TRPM3: variants seen among roughly 807,000 people sequenced by gnomAD.
TRPM3 encodes long transient receptor potential channel 3.
In TRPM3, 77 loss-of-function variants were observed where a neutral mutation model predicts 181.2. That is an observed-to-expected ratio of 0.42 (90% CI 0.35 to 0.51). The LOEUF (loss-of-function observed/expected upper bound fraction) is 0.51, where lower values mean the gene tolerates loss of function less well. Ranked by LOEUF, TRPM3 falls within the 20% of genes least tolerant of loss-of-function variation. The pLI is 0.01. For missense variants in TRPM3, 1,759 were observed against 2,196.7 expected (o/e 0.80, Z 3.98); for synonymous variants, 745 against 796.4 (o/e 0.94, Z 1.09).
In TRPM3 at chr9:71,284,845, C is replaced by T. The variant is rs114885592; in HGVS notation, c.183+161808G>A. 3.3e-3 allele frequency among the ~76,000 whole-genome samples: 508 copies of T among 152,268 alleles called. 1 individual carries two copies. Among genetic ancestry groups the T allele is most frequent in the African/African-American group, 0.012 (482 of 41,558 alleles). On this transcript the variant is annotated intron_variant, in intron 1 of 24. Transcript: ENST00000357533. ...AAAAGGCTATTCACTCTGCAAAATG[C>T]TATAAAAGCTAGAATAACTATTCCT... is the stretch of plus-strand genomic sequence containing the variant.
intron 19 of TRPM3, among the ~76,000 whole-genome samples, chr9:70,606,502 G>A (rs1389608556): frequency 2.6e-5 from 4 of 152,046 alleles, no homozygotes; most frequent in Non-Finnish European, 5.9e-5. Context: ...ACAGACTTCT[G>A]AAAATAGGGT....
intron 1 of TRPM3, among the ~76,000 whole-genome samples, chr9:71,082,727 T>C (rs1009919020): frequency 5.3e-5 from 8 of 152,074 alleles, no homozygotes; most frequent in African/African-American, 1.9e-4. Context: ...GAAGTTAAAG[T>C]GATCTACATC....
chr9:71,390,217 G>A (rs891479989), intron 1 of TRPM3, among the ~76,000 whole-genome samples: 5 of 152,102 alleles, frequency 3.3e-5, no homozygotes, highest in Middle Eastern at 3.4e-3. Context: ...GAAGAAAGCA[G>A]GAGGCAAAAT....
chr9:71,231,993 T>A (rs749660904), intron 1 of TRPM3, among the ~76,000 whole-genome samples: 2 of 152,182 alleles, frequency 1.3e-5, no homozygotes, highest in Non-Finnish European at 2.9e-5. Flanking sequence ...TTTATATTAG[T>A]CCCTTTAAGG....
In TRPM3 at chr9:70,842,682, A is replaced by G. The variant is rs147777840; in HGVS notation, c.801+321T>C. Among the ~76,000 whole-genome samples the G allele has an allele frequency of 1.6e-3, 244 of 152,208 alleles. 3 individuals are homozygous for G. Among genetic ancestry groups the G allele is most frequent in the African/African-American group, 5.6e-3 (232 of 41,554 alleles). ...TGTTGCCGTATATTAAGTGGTGTTAATTAATCTTAATATCACTATACCAAG... is the reference window on the plus strand; with the variant it reads ...TGTTGCCGTATATTAAGTGGTGTTAGTTAATCTTAATATCACTATACCAAG... On this transcript the variant is annotated intron_variant, in intron 5 of 25. Coordinates refer to ENST00000677713, the MANE Select transcript of TRPM3 (RefSeq NM_001366145.2).
At chr9:71,368,293 G>A (rs1409928900) in intron 1 of TRPM3, among the ~76,000 whole-genome samples, 1 of 152,146 alleles carries the variant, frequency 6.6e-6, no homozygotes, top group Non-Finnish European at 1.5e-5. Context: ...TTAGCCCAGG[G>A]AAGCTACTGC....
chr9:71,137,781 CATT>C (rs1351790742), intron 1 of TRPM3, among the ~76,000 whole-genome samples: 2 of 152,114 alleles, frequency 1.3e-5, no homozygotes, highest in Non-Finnish European at 2.9e-5. Flanking sequence ...GACATTTTTA[CATT>C]ATTTTAACAG....
intron 1 of TRPM3, among the ~76,000 whole-genome samples, chr9:71,077,177 T>C (rs2063578106): frequency 1.3e-5 from 2 of 152,166 alleles, no homozygotes; most frequent in African/African-American, 4.8e-5. Context: ...GGGCTCCTTC[T>C]CTAACTTCCT....
chr9:71,446,693 C>T (rs1232362973), exon 1 of TRPM3: 1 of 1,550,432 alleles, frequency 6.4e-7, no homozygotes, highest in African/African-American at 1.4e-5. Context: ...TTTGGTGGAC[C>T]CCTGCTTGGA....
intron 25 of TRPM3, among the ~76,000 whole-genome samples, chr9:70,541,509 CTTTTTT>C (rs200435839): frequency 5.1e-5 from 6 of 118,618 alleles, no homozygotes; most frequent in Admixed American, 8.6e-5. Context: ...TTCCTTTAAT[CTTTTTT>C]TTTTTTTTTT....
intron 8 of TRPM3, among the ~76,000 whole-genome samples, chr9:70,744,082 C>A (rs974306620): frequency 6.6e-6 from 1 of 151,970 alleles, no homozygotes; most frequent in Non-Finnish European, 1.5e-5. Flanking sequence ...AATCCCAGCT[C>A]TTTGGGAGGC....
intron 1 of TRPM3, among the ~76,000 whole-genome samples, chr9:71,013,336 TTTTA>T (rs368937680): frequency 6.6e-6 from 1 of 152,212 alleles, no homozygotes; most frequent in African/African-American, 2.4e-5. Flanking sequence ...TGGTGTTAGA[TTTTA>T]TTTATTATTT....
At chr9:71,131,747 G>A (rs1278086152) in intron 1 of TRPM3, among the ~76,000 whole-genome samples, 1 of 152,094 alleles carries the variant, frequency 6.6e-6, no homozygotes, top group Non-Finnish European at 1.5e-5. Flanking sequence ...TTAATAAAAG[G>A]AAAAGTTCTC....
At chr9:70,782,210 CTT>C (rs548450519) in intron 7 of TRPM3, among the ~76,000 whole-genome samples, 3 of 138,840 alleles carry the variant, frequency 2.2e-5, no homozygotes, top group African/African-American at 5.3e-5. Context: ...TTTTTTTTTT[CTT>C]TTTTTTTTTT....
chr9:71,268,631 C>T (rs1588207709), intron 1 of TRPM3, among the ~76,000 whole-genome samples: 1 of 151,870 alleles, frequency 6.6e-6, no homozygotes, highest in South Asian at 2.1e-4. Context: ...TCAAGACCAG[C>T]CTTGCCAACA....
intron 1 of TRPM3, among the ~76,000 whole-genome samples, chr9:70,980,564 G>A (rs1248829129): frequency 1.3e-5 from 2 of 152,060 alleles, no homozygotes; most frequent in African/African-American, 4.8e-5. Flanking sequence ...GGGGTTCTGA[G>A]GCATCTGCTT....
intron 1 of TRPM3, among the ~76,000 whole-genome samples, chr9:71,107,538 C>A (rs1299490252): frequency 6.6e-6 from 1 of 152,104 alleles, no homozygotes; most frequent in Non-Finnish European, 1.5e-5. Context: ...CTGTTCTTTT[C>A]GTCTTTGAAT....
intron 1 of TRPM3, among the ~76,000 whole-genome samples, chr9:70,931,418 G>A (rs2096773919): frequency 6.6e-6 from 1 of 152,012 alleles, no homozygotes; most frequent in Non-Finnish European, 1.5e-5. Flanking sequence ...AATAAGAACG[G>A]TCTTACAAAT....
chr9:70,867,507 CATT>C (rs1387200821), intron 1 of TRPM3, among the ~76,000 whole-genome samples: 3 of 152,048 alleles, frequency 2.0e-5, no homozygotes, highest in Non-Finnish European at 4.4e-5. Context: ...AACGCTACAT[CATT>C]GTTAGCAAAA....
Sources: gnomAD v4.1 joint callset for allele counts (sites outside exome capture counted in the v4.1 genomes callset) on GRCh38, gnomAD v4.1.1 for gene constraint, MANE v1.5 for transcripts, NCBI Gene and HGNC (gene_info 2026-07-23, HGNC 2026-07-21) for gene names.